The following ASIC2 variants were observed in gnomAD, a reference collection of about 807,000 sequenced individuals.
ASIC2 encodes the protein acid-sensing ion channel 2.
ASIC2 carries 25 observed loss-of-function variants against 57.3 expected under a neutral mutation model. The observed-to-expected ratio is 0.44, with a 90% CI of 0.32 to 0.61. The LOEUF (loss-of-function observed/expected upper bound fraction) is 0.61, where lower values mean the gene tolerates loss of function less well. ASIC2 is among the 20% of genes least tolerant of loss of function. The probability of loss-of-function intolerance (pLI) is 0.06; values close to 1 mark genes in which losing one functional copy is unlikely to be tolerated. For missense variants in ASIC2, 641 were observed against 738.1 expected (o/e 0.87, Z 1.52); for synonymous variants, 319 against 307.5 (o/e 1.04, Z -0.39).
intron 1 of ASIC2, among the ~76,000 whole-genome samples, chr17:33,985,302 C>T (rs1905777449): frequency 6.6e-6 from 1 of 152,194 alleles, no homozygotes; most frequent in Non-Finnish European, 1.5e-5. Context: ...CCCACTCACA[C>T]ATACGACTTC....
chr17:33,898,220 C>CTTTTTTTTTTTTTTTTTTTTTTTTTTTTT (rs771624171), intron 1 of ASIC2, among the ~76,000 whole-genome samples: 3 of 66,196 alleles, frequency 4.5e-5, no homozygotes, highest in African/African-American at 6.0e-5. Context: ...CATGTATAAT[C>CTTTTTTTTTTTTTTTTTTTTTTTTTTTTT]TTTTTTTTTT....
In ASIC2 at chr17:33,346,452, C is replaced by T. The variant is rs572411093; in HGVS notation, c.556-234385G>A. Among the ~76,000 whole-genome samples the T allele has an allele frequency of 1.3e-3, 195 of 151,942 alleles. 1 individual carries two copies. Among genetic ancestry groups the T allele is most frequent in the Non-Finnish European group, 2.4e-3 (160 of 67,952 alleles). ...TGGTATTTTCTGAGATAGAAAGAAT[C>T]GGGTGGGGTGGATATTTGGGATTTT... On this transcript the variant is annotated intron_variant, in intron 1 of 9. Coordinates refer to the ASIC2 transcript ENST00000359872.
chr17:33,610,166 CTG>C (rs1240705944), intron 1 of ASIC2, among the ~76,000 whole-genome samples: 3 of 152,126 alleles, frequency 2.0e-5, no homozygotes, highest in Admixed American at 1.3e-4. Context: ...TATTTTGCCT[CTG>C]TTTTTTTGAG....
intron 1 of ASIC2, among the ~76,000 whole-genome samples, chr17:33,135,675 G>C (rs1025703305): frequency 6.6e-6 from 1 of 152,230 alleles, no homozygotes; most frequent in Non-Finnish European, 1.5e-5. Flanking sequence ...GACAAGGGAG[G>C]CCCTGTGTAG....
intron 1 of ASIC2, among the ~76,000 whole-genome samples, chr17:33,839,081 T>C (rs1913351557): frequency 6.6e-6 from 1 of 152,222 alleles, no homozygotes; most frequent in African/African-American, 2.4e-5. Flanking sequence ...CTGTATAAGT[T>C]CCTTGAAAGA....
intron 1 of ASIC2, among the ~76,000 whole-genome samples, chr17:33,763,329 C>T (rs1160833420): frequency 6.6e-6 from 1 of 152,156 alleles, no homozygotes; most frequent in East Asian, 1.9e-4. Context: ...ATGATCTGGT[C>T]ACTCTGTTCA....
intron 1 of ASIC2, among the ~76,000 whole-genome samples, chr17:33,553,263 C>G (rs1052288810): frequency 2.6e-5 from 4 of 152,146 alleles, no homozygotes; most frequent in African/African-American, 9.7e-5. Flanking sequence ...GACATGTGAA[C>G]AGGTGGTAAC....
In ASIC2 at chr17:33,291,581, C is replaced by G. The variant is rs1451960177; in HGVS notation, c.535G>C (p.Glu179Gln). The change falls in exon 1 of 10, where the codon GAG becomes CAG. Residue 179 changes from glutamate (E) to glutamine (Q), a missense_variant. By Grantham distance (29) the Glu-to-Gln change is conservative. Coordinates refer to ENST00000225823, the MANE Select transcript of ASIC2 (RefSeq NM_183377.2). ...TTGCGGAACCACTGGCGGCGCGGCT[C>G]GTCGCCCCGCAGCAGCTCGCTGACA... The part of the protein sequence containing the change: ...PLVSELLRGD[E>Q]PRRQWFRKLA... 2 of 1,608,706 alleles carry G rather than the reference C, an allele frequency of 1.2e-6. No individual in the cohort carries two copies. The highest frequency in any genetic ancestry group is 1.7e-6 in the Non-Finnish European group (2 of 1,178,794).
chr17:33,747,686 G>A (rs1910310143), intron 1 of ASIC2, among the ~76,000 whole-genome samples: 1 of 152,062 alleles, frequency 6.6e-6, no homozygotes, highest in South Asian at 2.1e-4. Context: ...TCTCCCTATG[G>A]ACTCCACAGA....
chr17:33,316,178 T>A (rs1435923800), intron 1 of ASIC2, among the ~76,000 whole-genome samples: 1 of 152,250 alleles, frequency 6.6e-6, no homozygotes, highest in East Asian at 1.9e-4. Context: ...AGCCTTACTA[T>A]GTTTAGTTTC....
chr17:33,448,669 G>GACTTCACCC (rs1912130592), intron 1 of ASIC2, among the ~76,000 whole-genome samples: 1 of 152,184 alleles, frequency 6.6e-6, no homozygotes, highest in South Asian at 2.1e-4. Context: ...GTGACACCTT[G>GACTTCACCC]ACTTCACCCA....
intron 3 of ASIC2, among the ~76,000 whole-genome samples, chr17:33,054,767 A>T (rs902051633): frequency 2.0e-5 from 3 of 152,218 alleles, no homozygotes; most frequent in Non-Finnish European, 2.9e-5. Flanking sequence ...CTGGGGTAAG[A>T]TGTCCTATTT....
intron 1 of ASIC2, among the ~76,000 whole-genome samples, chr17:33,353,515 A>G (rs1908262196): frequency 6.6e-6 from 1 of 152,024 alleles, no homozygotes; most frequent in Non-Finnish European, 1.5e-5. Flanking sequence ...TATATTTTTA[A>G]TTTTGTAGAA....
intron 1 of ASIC2, among the ~76,000 whole-genome samples, chr17:34,095,639 A>ATATATATATATATATAATTT (rs1910503166): frequency 2.2e-5 from 3 of 135,602 alleles, no homozygotes; most frequent in Non-Finnish European, 4.7e-5. Flanking sequence ...AATTTTATAT[A>ATATATATATATATATAATTT]TATATATATA....
chr17:33,946,478 A>T (rs1341723404), intron 1 of ASIC2, among the ~76,000 whole-genome samples: 1 of 152,180 alleles, frequency 6.6e-6, no homozygotes, highest in Non-Finnish European at 1.5e-5. Flanking sequence ...GGTCATCAAG[A>T]CTTAGTCATT....
chr17:33,491,885 A>G (rs2141935010), intron 1 of ASIC2, among the ~76,000 whole-genome samples: 1 of 136,380 alleles, frequency 7.3e-6, no homozygotes, highest in Non-Finnish European at 1.6e-5. Flanking sequence ...CTCTCTTGTG[A>G]GAAGCTTAAA....
chr17:33,620,966 C>T (rs774488403), intron 1 of ASIC2, among the ~76,000 whole-genome samples: 1 of 152,194 alleles, frequency 6.6e-6, no homozygotes, highest in South Asian at 2.1e-4. Context: ...TTTCTTGCAC[C>T]GCATACTTAT....
chr17:33,085,181 G>T (rs944858117), intron 3 of ASIC2, among the ~76,000 whole-genome samples: 1 of 152,016 alleles, frequency 6.6e-6, no homozygotes, highest in Non-Finnish European at 1.5e-5. Context: ...TGTCCCCATG[G>T]CCTTCCTGCA....
intron 1 of ASIC2, among the ~76,000 whole-genome samples, chr17:33,387,281 G>A: frequency 6.6e-6 from 1 of 152,188 alleles, no homozygotes; most frequent in East Asian, 1.9e-4. Context: ...TTGAGGCTCA[G>A]AAAGATTAAG....
Sources: gnomAD v4.1 joint callset for allele counts (sites outside exome capture counted in the v4.1 genomes callset) on GRCh38, gnomAD v4.1.1 for gene constraint, MANE v1.5 for transcripts, NCBI Gene and HGNC (gene_info 2026-07-23, HGNC 2026-07-21) for gene names.